Variants in ITPR2 observed in about 807,000 individuals in gnomAD.
ITPR2 encodes the protein inositol 1,4,5-trisphosphate-gated calcium channel ITPR2.
ITPR2 carries 207 observed loss-of-function variants against 317.1 expected under a neutral mutation model. The ratio of observed to expected loss-of-function variants is 0.65; its 90% CI spans 0.58 to 0.73. The LOEUF (loss-of-function observed/expected upper bound fraction) is 0.73. ITPR2 is among the 30% of genes least tolerant of loss of function. The probability of loss-of-function intolerance (pLI) is 0.00; values close to 1 mark genes in which losing one functional copy is unlikely to be tolerated. For missense variants in ITPR2, 2,613 were observed against 3,284.0 expected (o/e 0.80, Z 4.99); for synonymous variants, 1,156 against 1,149.1 (o/e 1.01, Z -0.12).
Position 26,670,542 on chromosome 12 carries a change from C to G in ITPR2, c.1410-4491G>C, listed in dbSNP as rs1187049797. ...CGGAAAGGACATCCACACCAAAAAC[C>G]CATCTGTACATCACCATCATCAAAG... On this transcript the variant is annotated intron_variant, in intron 13 of 56. Transcript: ENST00000381340. 1.3e-4 allele frequency among the ~76,000 whole-genome samples: 20 copies of G among 152,110 alleles called. 1 individual carries two copies. Among genetic ancestry groups the G allele is most frequent in the Admixed American group, 1.3e-3 (20 of 15,286 alleles).
Position 26,762,087 on chromosome 12 carries a change from A to G in ITPR2, c.163+28070T>C, listed in dbSNP as rs1253914376. Among the ~76,000 whole-genome samples the G allele has an allele frequency of 3.9e-5, 6 of 152,340 alleles. No homozygotes were observed. In the East Asian group the frequency reaches 7.7e-4, roughly 20 times the overall value. ...AATTTAAAAAGACTGAAAAAAGCCT[A>G]CATGAGTATAGGATATCATCAAGAG... is the stretch of plus-strand genomic sequence containing the variant. On this transcript the variant is annotated intron_variant, in intron 2 of 56. Transcript: ENST00000381340.
chr12:26,611,814 G>C (rs1159645798), intron 26 of ITPR2, among the ~76,000 whole-genome samples: 4 of 152,168 alleles, frequency 2.6e-5, no homozygotes, highest in East Asian at 3.9e-4. Context: ...ACGGTTTCCT[G>C]AGTTAATCTC....
intron 1 of ITPR2, 78 bp downstream of exon 1, chr12:26,832,612 C>A: frequency 8.9e-7 from 1 of 1,124,920 alleles, no homozygotes; most frequent in South Asian, 1.4e-5. Flanking sequence ...GCGGGAGGAC[C>A]GGGCGGCGGA....
chr12:26,364,234 T>C (rs1938932443), intron 55 of ITPR2, among the ~76,000 whole-genome samples: 1 of 152,234 alleles, frequency 6.6e-6, no homozygotes, highest in Non-Finnish European at 1.5e-5. Context: ...TATTTTTCTC[T>C]GTAGCACCCA....
In ITPR2 at chr12:26,602,369, C is replaced by A. The variant is rs756888876; in HGVS notation, c.3678+1G>T. The A allele has an allele frequency of 6.2e-7, 1 of 1,610,032 alleles. No homozygotes were observed. The highest frequency in any genetic ancestry group is 8.5e-7 in the Non-Finnish European group (1 of 1,178,624). ...AAGAACAAAAAATAACCAGGACTAACCTTTTCATAGGGTATCTGCAGAAGA... is the reference window on the plus strand; with the variant it reads ...AAGAACAAAAAATAACCAGGACTAAACTTTTCATAGGGTATCTGCAGAAGA... On this transcript the variant is annotated splice_donor_variant, in intron 28 of 56. Transcript: ENST00000381340. LOFTEE classifies it high-confidence loss of function.
At chr12:26,453,492 T>G (rs899150585) in intron 45 of ITPR2, among the ~76,000 whole-genome samples, 1 of 152,212 alleles carries the variant, frequency 6.6e-6, no homozygotes, top group Non-Finnish European at 1.5e-5. Flanking sequence ...TAGACATTAA[T>G]AAGAAAAACA....
At chr12:26,501,657 T>C (rs58853162) in intron 37 of ITPR2, among the ~76,000 whole-genome samples, 2,226 of 152,308 alleles carry the variant, frequency 0.015, 56 homozygotes, top group African/African-American at 0.051. Context: ...TAAAGAGCCT[T>C]GTGAAAAAAC....
intron 37 of ITPR2, among the ~76,000 whole-genome samples, chr12:26,518,102 C>T (rs934754080): frequency 7.9e-5 from 12 of 152,100 alleles, no homozygotes; most frequent in African/African-American, 2.4e-4. Context: ...CACAATTGCA[C>T]AGACATGGAA....
intron 50 of ITPR2, among the ~76,000 whole-genome samples, chr12:26,417,123 T>C (rs893563144): frequency 1.3e-5 from 2 of 149,398 alleles, no homozygotes; most frequent in African/African-American, 5.0e-5. Flanking sequence ...AAATATTTTT[T>C]CAAATATAAA....
At chr12:26,784,893 C>T (rs1303650595) in intron 2 of ITPR2, among the ~76,000 whole-genome samples, 2 of 87,862 alleles carry the variant, frequency 2.3e-5, no homozygotes, top group African/African-American at 7.8e-5. Context: ...ATCTAGGAAG[C>T]GAGGAGCACC....
At chr12:26,832,559 C>A in intron 1 of ITPR2, 131 bp downstream of exon 1, 2 of 576,012 alleles carry the variant, frequency 3.5e-6, no homozygotes, top group South Asian at 4.7e-5. Context: ...ACGGCGCTGT[C>A]CGCGGGCGCC....
At chr12:26,659,317 G>A in intron 15 of ITPR2, 32 bp from the exon 16 acceptor site, 1 of 1,577,470 alleles carries the variant, frequency 6.3e-7, no homozygotes, top group Non-Finnish European at 8.7e-7. Flanking sequence ...AGAATGCACT[G>A]CCAAACAGCT....
At chr12:26,798,523 C>G (rs1950496366) in intron 1 of ITPR2, among the ~76,000 whole-genome samples, 1 of 152,146 alleles carries the variant, frequency 6.6e-6, no homozygotes, top group African/African-American at 2.4e-5. Flanking sequence ...TGGTTTTGTT[C>G]CATTCATTCA....
intron 2 of ITPR2, among the ~76,000 whole-genome samples, chr12:26,746,821 C>CGTGT (rs1949333539): frequency 1.0e-5 from 1 of 99,824 alleles, no homozygotes; most frequent in South Asian, 4.6e-4. Flanking sequence ...GGGGTGCATG[C>CGTGT]ATGTGTGTGT....
chr12:26,624,469 A>G, intron 23 of ITPR2, 113 bp from the exon 24 acceptor site: 2 of 715,702 alleles, frequency 2.8e-6, no homozygotes, highest in Non-Finnish European at 4.7e-6. Context: ...TCTTTATTCG[A>G]CCAAAAGTCA....
At chr12:26,359,407 T>A (rs545434025) in intron 55 of ITPR2, among the ~76,000 whole-genome samples, 12 of 152,248 alleles carry the variant, frequency 7.9e-5, no homozygotes, top group Admixed American at 2.0e-4. Flanking sequence ...AGGCTATGAT[T>A]TAAAAGTCAG....
At chr12:26,631,101 T>G (rs1946741843) in intron 22 of ITPR2, among the ~76,000 whole-genome samples, 1 of 152,220 alleles carries the variant, frequency 6.6e-6, no homozygotes, top group Non-Finnish European at 1.5e-5. Context: ...CACAGTAAAC[T>G]GTACCTAGAT....
At position 26,580,099 on chromosome 12, in the gene ITPR2, A is replaced by G; in HGVS notation, c.4437T>C (p.Val1479=). Residue 1479 remains valine, a synonymous_variant, in exon 33 of 57, where the codon GTT becomes GTC. Coordinates refer to ENST00000381340, the MANE Select transcript of ITPR2 (RefSeq NM_002223.4). The stretch of plus-strand genomic sequence containing the variant: ...TCACAATATTCATTATTGACTCAGT[A>G]ACACACTTTTCCAAAAAGATGTCTG... The part of the protein sequence containing the change: ...KHADIFLEKC[V]TESIMNIVSG... 2 of 1,611,906 alleles carry G rather than the reference A, an allele frequency of 1.2e-6. No individual in the cohort carries two copies. Among genetic ancestry groups the G allele is most frequent in the East Asian group, 4.5e-5 (2 of 44,858 alleles).
chr12:26,584,297 T>C (rs1041824054), intron 32 of ITPR2, among the ~76,000 whole-genome samples: 1 of 152,178 alleles, frequency 6.6e-6, no homozygotes, highest in Non-Finnish European at 1.5e-5. Context: ...TCAACGTTTC[T>C]GTGGGAAGAG....
Sources: allele counts gnomAD v4.1 joint callset (sites outside exome capture counted in the v4.1 genomes callset), GRCh38; gene constraint gnomAD v4.1.1; transcripts MANE v1.5; gene names NCBI Gene and HGNC (gene_info 2026-07-23, HGNC 2026-07-21).